Variants in VRK2 observed in about 807,000 individuals in gnomAD.
The protein encoded by VRK2 is serine/threonine-protein kinase VRK2.
In VRK2, 60 loss-of-function variants were observed where a neutral mutation model predicts 57.6. The observed-to-expected ratio is 1.04, with a 90% CI of 0.85 to 1.29. The LOEUF (loss-of-function observed/expected upper bound fraction) is 1.29, where lower values mean the gene tolerates loss of function less well. Ranked by LOEUF, VRK2 falls within the 50% of genes most tolerant of loss-of-function variation. The pLI is 0.00. For missense variants in VRK2, 705 were observed against 588.1 expected, an observed-to-expected ratio of 1.20 and a Z score of -2.06; for synonymous variants, 231 against 199.2, an observed-to-expected ratio of 1.16 and a Z score of -1.35.
intron 1 of VRK2, among the ~76,000 whole-genome samples, chr2:57,949,218 A>G (rs1671351679): frequency 6.6e-6 from 1 of 152,188 alleles, no homozygotes; most frequent in Admixed American, 6.5e-5. Context: ...GGGCTCTGAT[A>G]ATGATTACAA....
At position 58,137,191 on chromosome 2, in the gene VRK2, TA is replaced by T. The variant is rs1465584785; in HGVS notation, c.856+1993del. On this transcript the variant is annotated intron_variant, in intron 10 of 12. Transcript: ENST00000340157. ...CATATATCATATATATCATATATGATACATATATATCTCATATATGATACAT... is the reference window on the plus strand; with the variant it reads ...CATATATCATATATATCATATATGATCATATATATCTCATATATGATACAT... 2.9e-3 allele frequency among the ~76,000 whole-genome samples: 191 copies of T among 65,178 alleles called. 5 individuals are homozygous for T. The highest frequency in any genetic ancestry group is 0.024 in the African/African-American group (178 of 7,314). The allele number at this position is 65,178 out of a possible 152,430, so 42.8% of individuals were successfully genotyped here.
intron 3 of VRK2, among the ~76,000 whole-genome samples, chr2:58,035,026 G>A (rs781753114): frequency 6.6e-6 from 1 of 151,900 alleles, no homozygotes; most frequent in African/African-American, 2.4e-5. Context: ...AAATCTCAAG[G>A]TGTGTTGGTA....
intron 1 of VRK2, among the ~76,000 whole-genome samples, chr2:57,994,724 A>G (rs999085472): frequency 2.6e-5 from 4 of 151,954 alleles, no homozygotes; most frequent in African/African-American, 9.7e-5. Context: ...ATATCTTTCA[A>G]TATTTGCTAT....
chr2:58,136,330 A>G (rs1325100173), intron 10 of VRK2, among the ~76,000 whole-genome samples: 1 of 151,800 alleles, frequency 6.6e-6, no homozygotes. Flanking sequence ...TGTTTTCATA[A>G]TTGTCAATAA....
chr2:57,923,775 G>A (rs934691147), intron 1 of VRK2, among the ~76,000 whole-genome samples: 1 of 151,722 alleles, frequency 6.6e-6, no homozygotes, highest in African/African-American at 2.4e-5. Context: ...GCCTTTGCTT[G>A]TGGATATTAC....
chr2:58,025,592 G>A (rs1052832043), intron 1 of VRK2: 2 of 152,032 alleles, frequency 1.3e-5, no homozygotes, highest in African/African-American at 4.8e-5. Context: ...TCATTCATAA[G>A]CCACAAATTA....
intron 7 of VRK2, among the ~76,000 whole-genome samples, chr2:58,118,545 C>T (rs940676862): frequency 3.9e-5 from 6 of 152,126 alleles, no homozygotes; most frequent in Non-Finnish European, 8.8e-5. Context: ...AAAAAGAGGC[C>T]GCTTACCGGA....
intron 2 of VRK2, among the ~76,000 whole-genome samples, chr2:58,067,851 C>A (rs1163401001): frequency 6.6e-6 from 1 of 151,990 alleles, no homozygotes; most frequent in Admixed American, 6.6e-5. Context: ...CCTAATATTC[C>A]AAATTTCCTT....
At chr2:58,147,638 C>A (rs1462689663) in intron 12 of VRK2, among the ~76,000 whole-genome samples, 1 of 151,712 alleles carries the variant, frequency 6.6e-6, no homozygotes, top group Non-Finnish European at 1.5e-5. Flanking sequence ...GATTTTATCA[C>A]TTTGGAAAGT....
At position 58,086,340 on chromosome 2, in the gene VRK2, CA is replaced by C; in HGVS notation, c.263del (p.Lys88SerfsTer3). 1.3e-6 allele frequency: 2 copies of C among 1,599,278 alleles called. No homozygotes were observed. Among genetic ancestry groups the C allele is most frequent in the African/African-American group, 1.3e-5 (1 of 74,112 alleles). On this transcript the variant is annotated frameshift_variant and splice_region_variant, in exon 5 of 13. Coordinates refer to ENST00000340157, the MANE Select transcript of VRK2 (RefSeq NM_006296.7). LOFTEE classifies it high-confidence loss of function. Reference protein sequence around the residue: ...YQRVAKKDCIKKWIERKQLDY... With the variant: ...YQRVAKKDCIXKWIERKQLDY... ...TTAAAAATAAATTTGTCTTTGTAGT[CA>C]AAAAGTGGATAGAACGCAAACAACT...
intron 7 of VRK2, among the ~76,000 whole-genome samples, chr2:58,096,606 T>C (rs1380962398): frequency 6.6e-6 from 1 of 151,926 alleles, no homozygotes; most frequent in Non-Finnish European, 1.5e-5. Context: ...GCTTTCTCCC[T>C]TTTTCTATCC....
chr2:58,023,223 T>A (rs1253829977), intron 1 of VRK2, among the ~76,000 whole-genome samples: 2 of 152,206 alleles, frequency 1.3e-5, no homozygotes, highest in Non-Finnish European at 2.9e-5. Context: ...ATAAGTTGAA[T>A]CATACCGTAT....
intron 1 of VRK2, among the ~76,000 whole-genome samples, chr2:57,973,463 T>A (rs1034647304): frequency 6.6e-6 from 1 of 151,898 alleles, no homozygotes; most frequent in Non-Finnish European, 1.5e-5. Flanking sequence ...TTTGCCAACA[T>A]GTCATTCAAT....
intron 1 of VRK2, among the ~76,000 whole-genome samples, chr2:58,019,312 A>G (rs759834296): frequency 6.6e-6 from 1 of 152,176 alleles, no homozygotes; most frequent in Non-Finnish European, 1.5e-5. Context: ...AGACTAATTA[A>G]TAAGTATATC....
intron 12 of VRK2, among the ~76,000 whole-genome samples, chr2:58,150,163 C>CT (rs1387642115): frequency 3.3e-5 from 5 of 151,336 alleles, no homozygotes; most frequent in African/African-American, 1.2e-4. Context: ...GTGTTGCACT[C>CT]TGTTTTCAGA....
intron 2 of VRK2, among the ~76,000 whole-genome samples, chr2:58,077,088 T>C (rs1186477052): frequency 6.6e-6 from 1 of 152,200 alleles, no homozygotes; most frequent in East Asian, 1.9e-4. Context: ...TGACACAATA[T>C]GTGTAGTTAT....
At chr2:57,916,303 A>G (rs2717003) in intron 1 of VRK2, among the ~76,000 whole-genome samples, 105,186 of 151,374 alleles carry the variant, frequency 0.69, 38,050 homozygotes, top group African/African-American at 0.92. Flanking sequence ...CTACTCAGGA[A>G]GTTGAGGCAG....
intron 2 of VRK2, among the ~76,000 whole-genome samples, chr2:58,054,171 A>C (rs576026580): frequency 6.6e-6 from 1 of 152,132 alleles, no homozygotes; most frequent in South Asian, 2.1e-4. Context: ...TAAAAGGGAG[A>C]TTTATAAGAC....
At chr2:58,064,354 C>T (rs527587104) in intron 2 of VRK2, among the ~76,000 whole-genome samples, 4 of 152,178 alleles carry the variant, frequency 2.6e-5, no homozygotes, top group East Asian at 3.9e-4. Context: ...TTGCCACAGT[C>T]ACCGCAGTCT....
Sources: allele counts gnomAD v4.1 joint callset (sites outside exome capture counted in the v4.1 genomes callset), GRCh38; gene constraint gnomAD v4.1.1; transcripts MANE v1.5; gene names NCBI Gene and HGNC (gene_info 2026-07-23, HGNC 2026-07-21).